TBC1D10A: variants seen among roughly 807,000 people sequenced by gnomAD.
TBC1D10A encodes EBP50-PDX interactor of 64 kDa.
A neutral mutation model predicts 52.9 loss-of-function variants in TBC1D10A; 24 were observed. The observed-to-expected ratio is 0.45, with a 90% CI of 0.33 to 0.64. The LOEUF (loss-of-function observed/expected upper bound fraction) is 0.64. Among genes scored for constraint, TBC1D10A ranks in the 30% least tolerant of loss-of-function variants. TBC1D10A has a pLI of 0.02. For synonymous variants in TBC1D10A, 278 were observed against 282.9 expected (o/e 0.98, Z 0.17); for missense variants, 602 against 687.9 (o/e 0.88, Z 1.40).
intron 2 of TBC1D10A, 68 bp downstream of exon 2, chr22:30,304,463 T>C: frequency 6.2e-7 from 1 of 1,605,182 alleles, no homozygotes; most frequent in Non-Finnish European, 8.5e-7. Context: ...CTGATGAAGT[T>C]CCTCCCTCTT....
chr22:30,293,168 A>G (rs946069693), intron 8 of TBC1D10A: 6 of 632,388 alleles, frequency 9.5e-6, no homozygotes, highest in Non-Finnish European at 1.2e-5. Flanking sequence ...CCTGTCACCC[A>G]CCGCTGCCCA....
chr22:30,325,934 C>T (rs993801139), intron 1 of TBC1D10A, among the ~76,000 whole-genome samples: 9 of 152,208 alleles, frequency 5.9e-5, no homozygotes, highest in Middle Eastern at 6.8e-3. Flanking sequence ...GGCTCCCTGT[C>T]GCCCTGTACG....
At chr22:30,319,484 G>T (rs1406619038) in intron 1 of TBC1D10A, among the ~76,000 whole-genome samples, 1 of 152,222 alleles carries the variant, frequency 6.6e-6, no homozygotes, top group Non-Finnish European at 1.5e-5. Flanking sequence ...GCCTTGGTTT[G>T]CTCTCCCAGG....
At position 30,294,126 on chromosome 22, in the gene TBC1D10A, G is replaced by A. The variant is rs747591005; in HGVS notation, c.706-16C>T. On this transcript the variant is annotated splice_polypyrimidine_tract_variant and intron_variant, in intron 6 of 8. Coordinates refer to ENST00000215790, the MANE Select transcript of TBC1D10A (RefSeq NM_031937.3). The stretch of plus-strand genomic sequence containing the variant: ...GGATCGCCTCCTAGGGAGACATCGA[G>A]GCCACGGGACCATGACCGTGGGCTG... 4 of 1,611,270 alleles carry A rather than the reference G, an allele frequency of 2.5e-6. No homozygotes were observed. The highest frequency in any genetic ancestry group is 1.1e-5 in the South Asian group (1 of 91,050).
Position 30,292,725 on chromosome 22 carries a change from T to C in TBC1D10A, c.1177A>G (p.Ile393Val), listed in dbSNP as rs1929975813. 1.9e-6 allele frequency: 3 copies of C among 1,610,342 alleles called. No individual in the cohort carries two copies. The highest frequency in any genetic ancestry group is 2.7e-5 in the African/African-American group (2 of 74,792). ...CGGGGACCAGGTTCTGCATCCAAGATAGCCTTGGCACCATGCAGCCTGGGC... is the reference window on the plus strand; with the variant it reads ...CGGGGACCAGGTTCTGCATCCAAGACAGCCTTGGCACCATGCAGCCTGGGC... Reference protein sequence around the residue: ...SPPRLHGAKAILDAEPGPRPA... With the variant: ...SPPRLHGAKAVLDAEPGPRPA... Residue 393 changes from isoleucine to valine, a missense_variant, in exon 9 of 9, where the codon ATC becomes GTC. Ile to Val is a conservative substitution (Grantham distance 29). Transcript: ENST00000215790.
At chr22:30,300,084 G>A (rs1930170116) in intron 2 of TBC1D10A, among the ~76,000 whole-genome samples, 1 of 152,034 alleles carries the variant, frequency 6.6e-6, no homozygotes, top group African/African-American at 2.4e-5. Context: ...CCACATCCCT[G>A]GTGACAACAC....
chr22:30,321,699 G>A (rs1344665394), intron 1 of TBC1D10A, among the ~76,000 whole-genome samples: 3 of 152,206 alleles, frequency 2.0e-5, no homozygotes, highest in Non-Finnish European at 4.4e-5. Context: ...TGGGCGGACT[G>A]AGGCTGGATG....
intron 1 of TBC1D10A, among the ~76,000 whole-genome samples, chr22:30,322,305 C>A (rs1266952099): frequency 6.6e-6 from 1 of 152,070 alleles, no homozygotes; most frequent in African/African-American, 2.4e-5. Context: ...ATGCCCCACT[C>A]GGTCTCCAGC....
At chr22:30,317,388 G>A (rs963490771) in intron 1 of TBC1D10A, among the ~76,000 whole-genome samples, 5 of 152,056 alleles carry the variant, frequency 3.3e-5, no homozygotes, top group Admixed American at 6.6e-5. Flanking sequence ...TCCAGCCTGC[G>A]CAAAAGAGCA....
At chr22:30,325,626 A>C (rs1930752339) in intron 1 of TBC1D10A, among the ~76,000 whole-genome samples, 1 of 152,072 alleles carries the variant, frequency 6.6e-6, no homozygotes, top group Admixed American at 6.5e-5. Flanking sequence ...GCCTGTACAC[A>C]TGATCTCTGA....
chr22:30,315,040 A>G (rs967040883), intron 1 of TBC1D10A, among the ~76,000 whole-genome samples: 1 of 152,146 alleles, frequency 6.6e-6, no homozygotes, highest in Non-Finnish European at 1.5e-5. Flanking sequence ...AGGAAAGGGA[A>G]GGTCAGGCCC....
chr22:30,313,991 C>T (rs547256850), intron 1 of TBC1D10A, among the ~76,000 whole-genome samples: 8 of 152,208 alleles, frequency 5.3e-5, no homozygotes, highest in East Asian at 3.9e-4. Flanking sequence ...TAACAACAGA[C>T]GCTTGCTATG....
chr22:30,319,040 G>A (rs1317317154), intron 1 of TBC1D10A, among the ~76,000 whole-genome samples: 4 of 151,694 alleles, frequency 2.6e-5, no homozygotes, highest in Non-Finnish European at 5.9e-5. Context: ...CGTTCTTCTT[G>A]TCGTATCATC....
At chr22:30,316,613 C>T (rs1012855762) in intron 1 of TBC1D10A, among the ~76,000 whole-genome samples, 7 of 152,056 alleles carry the variant, frequency 4.6e-5, no homozygotes, top group Admixed American at 2.0e-4. Context: ...CCACTATGCC[C>T]AGCTAATTTT....
intron 2 of TBC1D10A, among the ~76,000 whole-genome samples, chr22:30,302,214 A>T (rs1255798486): frequency 6.6e-6 from 1 of 152,240 alleles, no homozygotes; most frequent in East Asian, 1.9e-4. Flanking sequence ...GTAAGGATAA[A>T]GCATGGGAAA....
intron 1 of TBC1D10A, among the ~76,000 whole-genome samples, chr22:30,324,794 A>C (rs900146880): frequency 7.2e-5 from 11 of 152,216 alleles, no homozygotes; most frequent in African/African-American, 2.7e-4. Context: ...CTTTACAGTG[A>C]GTAAACAGGC....
chr22:30,297,300 T>C lies in TBC1D10A; in HGVS notation c.418-1457A>G, dbSNP rs1930102243. The C allele has an allele frequency of 6.6e-6, 1 of 152,282 alleles. No individual in the cohort carries two copies. Among genetic ancestry groups the C allele is most frequent in the Non-Finnish European group, 1.5e-5 (1 of 68,084 alleles). 9.4% of individuals were successfully genotyped at this position (152,282 alleles called of 1,614,324 possible). A position where few individuals can be genotyped will look rare whatever the true frequency, so the allele number is the denominator to read the frequency against. ...CACACACCCTTGTGATGGGGGTCTG[T>C]GTACTGTGCACCTCTAAGTACTGTC... On this transcript the variant is annotated intron_variant, in intron 3 of 8. Coordinates refer to ENST00000215790, the MANE Select transcript of TBC1D10A (RefSeq NM_031937.3). The surrounding 1 kb of genome is among the most constrained non-coding windows in gnomAD (Gnocchi z 4.3).
chr22:30,295,114 C>T, intron 4 of TBC1D10A, 59 bp from the exon 5 acceptor site: 1 of 1,544,782 alleles, frequency 6.5e-7, no homozygotes. Context: ...CCACGGCCTT[C>T]ACCTATGCCC....
chr22:30,320,118 A>G (rs1368288234), intron 1 of TBC1D10A, among the ~76,000 whole-genome samples: 1 of 152,192 alleles, frequency 6.6e-6, no homozygotes, highest in Non-Finnish European at 1.5e-5. Context: ...CCTCATCTAC[A>G]AAGTAACACT....
Sources: allele counts gnomAD v4.1 joint callset (sites outside exome capture counted in the v4.1 genomes callset), GRCh38; gene constraint gnomAD v4.1.1; non-coding constraint Gnocchi (gnomAD v3.1); transcripts MANE v1.5; gene names NCBI Gene and HGNC (gene_info 2026-07-23, HGNC 2026-07-21).